The following ARB2A variants were observed in gnomAD, a reference collection of about 807,000 sequenced individuals.
ARB2A encodes cotranscriptional regulator ARB2A.
At chr5:93,874,243 T>G in the ARB2A span, among the ~76,000 whole-genome samples, 2 of 152,276 alleles carry the variant, frequency 1.3e-5, no homozygotes, top group African/African-American at 2.4e-5. Flanking sequence ...GCTTGAAAGC[T>G]CATGAGTCAT....
the ARB2A span, among the ~76,000 whole-genome samples, chr5:94,064,856 G>A: frequency 6.6e-6 from 1 of 152,174 alleles, no homozygotes. Context: ...AAACCTGGAT[G>A]CAAAGGGAAG....
chr5:94,072,671 G>A, the ARB2A span, among the ~76,000 whole-genome samples: 112 of 152,052 alleles, frequency 7.4e-4, 4 homozygotes, highest in South Asian at 0.02. Flanking sequence ...CAGAAATCCA[G>A]GTAAAATGGG....
chr5:93,894,000 C>T, the ARB2A span, among the ~76,000 whole-genome samples: 1 of 152,112 alleles, frequency 6.6e-6, no homozygotes, highest in Admixed American at 6.6e-5. Flanking sequence ...ATATGTGTTG[C>T]AGGGCAATGT....
the ARB2A span, among the ~76,000 whole-genome samples, chr5:94,010,752 A>C: frequency 6.6e-6 from 1 of 152,036 alleles, no homozygotes; most frequent in African/African-American, 2.4e-5. Flanking sequence ...TAGAACCACC[A>C]AAAAGTATAA....
the ARB2A span, among the ~76,000 whole-genome samples, chr5:93,944,202 T>C: frequency 6.6e-6 from 1 of 152,198 alleles, no homozygotes; most frequent in Non-Finnish European, 1.5e-5. Flanking sequence ...GAACTACCTG[T>C]CACCGGAACG....
At chr5:93,647,955 C>A in the ARB2A span, among the ~76,000 whole-genome samples, 1 of 151,936 alleles carries the variant, frequency 6.6e-6, no homozygotes, top group African/African-American at 2.4e-5. Flanking sequence ...CCAGCCTGGG[C>A]AACATGGGGA....
At chr5:93,840,117 A>C in the ARB2A span, among the ~76,000 whole-genome samples, 1 of 152,010 alleles carries the variant, frequency 6.6e-6, no homozygotes, top group Non-Finnish European at 1.5e-5. Context: ...ATATCTTTTT[A>C]ACTTTTTGAT....
chr5:93,853,750 T>C, the ARB2A span, among the ~76,000 whole-genome samples: 4 of 152,240 alleles, frequency 2.6e-5, no homozygotes, highest in African/African-American at 7.2e-5. Flanking sequence ...GTTTATATGA[T>C]GGATTACATA....
chr5:93,626,973 T>G, the ARB2A span, among the ~76,000 whole-genome samples: 1 of 152,264 alleles, frequency 6.6e-6, no homozygotes, highest in African/African-American at 2.4e-5. Flanking sequence ...ACCTTGCCAC[T>G]GTTTTATCAA....
chr5:93,883,566 T>C, the ARB2A span, among the ~76,000 whole-genome samples: 2 of 151,684 alleles, frequency 1.3e-5, no homozygotes, highest in Non-Finnish European at 3.0e-5. Flanking sequence ...GGTGATTTTC[T>C]ACAGTTGGAC....
At chr5:93,928,528 T>C in the ARB2A span, among the ~76,000 whole-genome samples, 3 of 152,198 alleles carry the variant, frequency 2.0e-5, no homozygotes, top group Non-Finnish European at 1.5e-5. Flanking sequence ...ACACAACTGA[T>C]ATAAACACAA....
chr5:93,633,618 T>C, the ARB2A span, among the ~76,000 whole-genome samples: 15 of 152,202 alleles, frequency 9.9e-5, no homozygotes, highest in Admixed American at 7.9e-4. Flanking sequence ...TACATTTCTG[T>C]ATTAGCTTAT....
At chr5:93,946,854 T>A in the ARB2A span, among the ~76,000 whole-genome samples, 1 of 152,202 alleles carries the variant, frequency 6.6e-6, no homozygotes, top group Non-Finnish European at 1.5e-5. Flanking sequence ...CCACACTTCT[T>A]CAACAACATG....
chr5:93,801,596 A>G, the ARB2A span, among the ~76,000 whole-genome samples: 5 of 152,150 alleles, frequency 3.3e-5, no homozygotes, highest in Admixed American at 2.0e-4. Context: ...TAGACTTTAC[A>G]TGTATATAAA....
the ARB2A span, among the ~76,000 whole-genome samples, chr5:94,062,694 C>T: frequency 1.3e-5 from 2 of 152,262 alleles, no homozygotes; most frequent in African/African-American, 4.8e-5. Flanking sequence ...GAGTCCCAAG[C>T]AGCTACGGTA....
At chr5:93,871,534 C>G in the ARB2A span, among the ~76,000 whole-genome samples, 1 of 152,156 alleles carries the variant, frequency 6.6e-6, no homozygotes, top group African/African-American at 2.4e-5. Context: ...AATTGCATAT[C>G]TGTTTGAGGC....
chr5:93,802,338 G>T, the ARB2A span, among the ~76,000 whole-genome samples: 9 of 151,696 alleles, frequency 5.9e-5, no homozygotes, highest in Admixed American at 5.3e-4. Flanking sequence ...GGGCAAAAAA[G>T]AAATCACAAT....
chr5:93,769,664 A>G, the ARB2A span, among the ~76,000 whole-genome samples: 108,640 of 152,014 alleles, frequency 0.71, 39,181 homozygotes, highest in African/African-American at 0.8. Flanking sequence ...GAACCTTTTC[A>G]CTAGCACAGG....
chr5:93,803,832 T>G, the ARB2A span, among the ~76,000 whole-genome samples: 1 of 152,048 alleles, frequency 6.6e-6, no homozygotes, highest in South Asian at 2.1e-4. Context: ...CCTGGTCAGG[T>G]TTTTCTTTTT....
Sources: allele counts gnomAD v4.1 joint callset (sites outside exome capture counted in the v4.1 genomes callset), GRCh38; gene constraint gnomAD v4.1.1; transcripts MANE v1.5; gene names NCBI Gene and HGNC (gene_info 2026-07-23, HGNC 2026-07-21).